FAM120B: variants seen among roughly 807,000 people sequenced by gnomAD.
FAM120B encodes the protein constitutive coactivator of peroxisome proliferator-activated receptor gamma.
FAM120B carries 83 observed loss-of-function variants against 96.3 expected under a neutral mutation model. The observed-to-expected ratio is 0.86, with a 90% CI of 0.72 to 1.03. The LOEUF is 1.03. Ranked by LOEUF, FAM120B falls within the 50% of genes least tolerant of loss-of-function variation. The pLI is 0.00. For missense variants in FAM120B, 1,027 were observed against 1,121.2 expected (o/e 0.92, Z 1.20); for synonymous variants, 407 against 402.7 (o/e 1.01, Z -0.13).
At chr6:170,308,197 G>A (rs765068901) in intron 1 of FAM120B, among the ~76,000 whole-genome samples, 3 of 152,130 alleles carry the variant, frequency 2.0e-5, no homozygotes, top group Non-Finnish European at 4.4e-5. Flanking sequence ...TCCATCATTA[G>A]TGAGTGTTTC....
At chr6:170,291,766 G>T (rs963781890), upstream of FAM120B, among the ~76,000 whole-genome samples, 1 of 152,148 alleles carries the variant, frequency 6.6e-6, no homozygotes, top group Non-Finnish European at 1.5e-5. Context: ...CTCGTGGTCC[G>T]CGGCCACTGG....
rs1232938028 is a variant in FAM120B at position 170,306,850 on chromosome 6, C to G, written c.-22+8C>G. 1 of 152,290 alleles carries G rather than the reference C, an allele frequency of 6.6e-6. No individual in the cohort carries two copies. Among genetic ancestry groups the G allele is most frequent in the Non-Finnish European group, 1.5e-5 (1 of 68,112 alleles). The allele number at this position is 152,290 out of a possible 1,614,324, so 9.4% of individuals were successfully genotyped here. A position where few individuals can be genotyped will look rare whatever the true frequency, so the allele number is the denominator to read the frequency against. On this transcript the variant is annotated splice_region_variant and intron_variant, in intron 1 of 10. Coordinates refer to ENST00000476287, the MANE Select transcript of FAM120B (RefSeq NM_032448.3). The stretch of plus-strand genomic sequence containing the variant: ...GTGTTGGCGCATCTCTAGGTAGGGC[C>G]GGGCCCGAGGGCACCCGCGGGTCTT...
At chr6:170,399,857 T>G (rs1367529211) in intron 9 of FAM120B, among the ~76,000 whole-genome samples, 10 of 6,804 alleles carry the variant, frequency 1.5e-3, no homozygotes, top group Non-Finnish European at 4.4e-4. Flanking sequence ...TGTCATAACT[T>G]AGGAGTGAGT....
chr6:170,362,271 G>T (rs1788506019), intron 6 of FAM120B, among the ~76,000 whole-genome samples: 1 of 152,190 alleles, frequency 6.6e-6, no homozygotes, highest in Non-Finnish European at 1.5e-5. Context: ...GTGACAGGAG[G>T]AATGTTTCTG....
intron 2 of FAM120B, among the ~76,000 whole-genome samples, chr6:170,319,524 T>G (rs1464582848): frequency 6.6e-6 from 1 of 152,020 alleles, no homozygotes; most frequent in Non-Finnish European, 1.5e-5. Context: ...AGAAATCAGC[T>G]GGGCATGGTG....
upstream of FAM120B, among the ~76,000 whole-genome samples, chr6:170,291,414 C>G (rs78866629): frequency 0.097 from 14,792 of 151,938 alleles, 1,765 homozygotes; most frequent in African/African-American, 0.28. Context: ...GACAGCGTCC[C>G]GGGGGCTTGG....
chr6:170,378,203 CATTT>C lies in FAM120B; in HGVS notation c.2284-10068_2284-10065del, dbSNP rs1301905148. 4.6e-5 allele frequency among the ~76,000 whole-genome samples: 7 copies of C among 152,152 alleles called. No individual in the cohort carries two copies. The East Asian group carries it at 1.2e-3, about 25-fold the overall frequency. On this transcript the variant is annotated intron_variant, in intron 6 of 10. Coordinates refer to ENST00000476287, the MANE Select transcript of FAM120B (RefSeq NM_032448.3). ...CCAGGTGTTGAAAGAACGCTCTTGCCATTTATTTATTTATTTATTAATCTTTAGC... is the reference window on the plus strand; with the variant it reads ...CCAGGTGTTGAAAGAACGCTCTTGCCATTTATTTATTTATTAATCTTTAGC...
chr6:170,313,163 G>A (rs1235413998), intron 1 of FAM120B, among the ~76,000 whole-genome samples: 2 of 152,212 alleles, frequency 1.3e-5, no homozygotes, highest in African/African-American at 4.8e-5. Flanking sequence ...TCACCTGGTT[G>A]TTTGTGCATT....
intron 4 of FAM120B, among the ~76,000 whole-genome samples, chr6:170,341,208 G>A (rs1305906876): frequency 1.3e-5 from 2 of 152,202 alleles, no homozygotes; most frequent in African/African-American, 4.8e-5. Context: ...ACCCAGTGAG[G>A]AGGAATCTAG....
At chr6:170,381,612 G>A (rs1030475511) in intron 6 of FAM120B, among the ~76,000 whole-genome samples, 1 of 151,932 alleles carries the variant, frequency 6.6e-6, no homozygotes, top group Admixed American at 6.6e-5. Context: ...TTGAATGTAG[G>A]TACAAAAATC....
At position 170,363,143 on chromosome 6, in the gene FAM120B, C is replaced by T. The variant is rs1788568520; in HGVS notation, c.2283+4825C>T. ...CTGCTGGCTTTGTCTCCAGCCCGCTCTCCAGGTGGAGGCTCTGACTGTTAG... is the reference window on the plus strand; with the variant it reads ...CTGCTGGCTTTGTCTCCAGCCCGCTTTCCAGGTGGAGGCTCTGACTGTTAG... On this transcript the variant is annotated intron_variant, in intron 6 of 10. Coordinates refer to ENST00000476287, the MANE Select transcript of FAM120B (RefSeq NM_032448.3). This position sits in a 1 kb window ranked among gnomAD's most constrained non-coding sequence, Gnocchi z 4.5. Among the ~76,000 whole-genome samples the T allele has an allele frequency of 6.6e-6, 1 of 152,182 alleles. No individual in the cohort carries two copies. Among genetic ancestry groups the T allele is most frequent in the Non-Finnish European group, 1.5e-5 (1 of 68,032 alleles).
In FAM120B at chr6:170,318,091, T is replaced by C. The variant is rs548935605; in HGVS notation, c.701T>C (p.Ile234Thr). ...GCCTGCCTCCTTGGCAACGACATAATCCCAGAGGGCATGTTTGAAAGCTTT... is the reference window on the plus strand; with the variant it reads ...GCCTGCCTCCTTGGCAACGACATAACCCCAGAGGGCATGTTTGAAAGCTTT... ...LLACLLGNDI[I>T]PEGMFESFRY... The change falls in exon 2 of 11, where the codon ATC becomes ACC. Residue 234 changes from isoleucine to threonine, a missense_variant. Ile to Thr is a moderately conservative substitution (Grantham distance 89). Transcript: ENST00000476287. 8.7e-6 allele frequency: 14 copies of C among 1,614,174 alleles called. No homozygotes were observed. Among genetic ancestry groups the C allele is most frequent in the Admixed American group, 6.7e-5 (4 of 60,012 alleles).
At chr6:170,403,681 G>T (rs147143974) in intron 9 of FAM120B, among the ~76,000 whole-genome samples, 346 of 152,234 alleles carry the variant, frequency 2.3e-3, no homozygotes, top group African/African-American at 7.8e-3. Context: ...GCTCAGCCCC[G>T]CTGGAAAGAG....
chr6:170,358,992 A>G (rs1203605317), intron 6 of FAM120B, among the ~76,000 whole-genome samples: 1 of 152,228 alleles, frequency 6.6e-6, no homozygotes, highest in African/African-American at 2.4e-5. Context: ...TGCTTTATCA[A>G]TGCCATCTGA....
Position 170,369,389 on chromosome 6 carries a change from C to G in FAM120B, c.2283+11071C>G, listed in dbSNP as rs1215910259. 2.6e-5 allele frequency among the ~76,000 whole-genome samples: 4 copies of G among 152,322 alleles called. No homozygotes were observed. In the East Asian group the frequency reaches 7.7e-4, roughly 29 times the overall value. On this transcript the variant is annotated intron_variant, in intron 6 of 10. Coordinates refer to ENST00000476287, the MANE Select transcript of FAM120B (RefSeq NM_032448.3). ...GGACTTGGCAGCAGGGCCCCACTTT[C>G]ACTGACTTTGCCCATAGTCCTCATA...
chr6:170,320,932 A>G (rs1785247391), intron 2 of FAM120B, among the ~76,000 whole-genome samples: 1 of 152,222 alleles, frequency 6.6e-6, no homozygotes, highest in Non-Finnish European at 1.5e-5. Context: ...GAATAGGACT[A>G]GACATAGGGA....
chr6:170,388,049 G>C, intron 6 of FAM120B, among the ~76,000 whole-genome samples: 1 of 152,142 alleles, frequency 6.6e-6, no homozygotes, highest in East Asian at 1.9e-4. Flanking sequence ...TGGGTGGATG[G>C]ATGAAGACAC....
In FAM120B at chr6:170,350,011, A is replaced by G. The variant is rs1460222191; in HGVS notation, c.2190+1688A>G. Among the ~76,000 whole-genome samples, 5 of 152,158 alleles carry G rather than the reference A, an allele frequency of 3.3e-5. No homozygotes were observed. In the East Asian group the frequency reaches 5.8e-4, roughly 18 times the overall value. ...TCCCATGGATCTTTGCAACCCATGT[A>G]TCAGATCCCTTCATGAGCCCATACC... On this transcript the variant is annotated intron_variant, in intron 5 of 10. Transcript: ENST00000476287.
intron 6 of FAM120B, among the ~76,000 whole-genome samples, chr6:170,375,262 A>C (rs1181951242): frequency 6.6e-6 from 1 of 152,272 alleles, no homozygotes; most frequent in Non-Finnish European, 1.5e-5. Context: ...TTGTAATCAC[A>C]CAGCACATAG....
Sources: gnomAD v4.1 joint callset for allele counts (sites outside exome capture counted in the v4.1 genomes callset) on GRCh38, gnomAD v4.1.1 for gene constraint, Gnocchi (gnomAD v3.1) non-coding constraint, MANE v1.5 for transcripts, NCBI Gene and HGNC (gene_info 2026-07-23, HGNC 2026-07-21) for gene names.